The following CTNNA3 variants were observed in gnomAD, a reference collection of about 807,000 sequenced individuals.
CTNNA3 encodes the protein catenin alpha 3, also known as catenin alpha-3.
In CTNNA3, 76 loss-of-function variants were observed where a neutral mutation model predicts 95.7. The observed-to-expected ratio is 0.79, with a 90% CI of 0.66 to 0.96. CTNNA3 has a LOEUF of 0.96. Ranked by LOEUF, CTNNA3 falls within the 40% of genes least tolerant of loss-of-function variation. The probability of loss-of-function intolerance (pLI) is 0.00; values close to 1 mark genes in which losing one functional copy is unlikely to be tolerated. For synonymous variants in CTNNA3, 431 were observed against 374.4 expected (o/e 1.15, Z -1.74); for missense variants, 1,191 against 1,089.8 (o/e 1.09, Z -1.31).
chr10:66,812,641 G>C (rs1841926987), intron 7 of CTNNA3, among the ~76,000 whole-genome samples: 1 of 152,028 alleles, frequency 6.6e-6, no homozygotes, highest in Non-Finnish European at 1.5e-5. Flanking sequence ...TACATAAAAA[G>C]TGCTTAGAAT....
intron 10 of CTNNA3, among the ~76,000 whole-genome samples, chr10:66,608,661 A>G (rs1210628666): frequency 6.6e-6 from 1 of 152,132 alleles, no homozygotes; most frequent in Non-Finnish European, 1.5e-5. Flanking sequence ...ATCTTCAAAA[A>G]AAAACTGACA....
At chr10:67,759,677 T>C (rs1841452788) in intron 1 of CTNNA3, among the ~76,000 whole-genome samples, 1 of 152,226 alleles carries the variant, frequency 6.6e-6, no homozygotes, top group Admixed American at 6.5e-5. Context: ...AACTGCATTC[T>C]ATTATATAAA....
intron 7 of CTNNA3, among the ~76,000 whole-genome samples, chr10:67,144,897 G>A (rs79757872): frequency 0.054 from 8,146 of 152,188 alleles, 325 homozygotes; most frequent in Middle Eastern, 0.095. Context: ...TTTGGCCTGC[G>A]TAAGCTTTCA....
chr10:67,378,288 A>T (rs1441892264), intron 5 of CTNNA3, among the ~76,000 whole-genome samples: 2 of 152,184 alleles, frequency 1.3e-5, no homozygotes, highest in Non-Finnish European at 2.9e-5. Context: ...CTTACAAAAG[A>T]GTTGTCATAA....
intron 15 of CTNNA3, among the ~76,000 whole-genome samples, chr10:65,991,855 G>A (rs550482861): frequency 1.3e-5 from 2 of 152,120 alleles, no homozygotes; most frequent in East Asian, 3.9e-4. Flanking sequence ...TTTCAGCTTT[G>A]TTCCAATCAG....
rs917281763 is a variant in CTNNA3 at position 66,413,084 on chromosome 10, C to T, written c.1532-33732G>A. On this transcript the variant is annotated intron_variant, in intron 11 of 17. Coordinates refer to ENST00000433211, the MANE Select transcript of CTNNA3 (RefSeq NM_013266.4). ...GGTCACAAGTCTTTGAAACAGGATACAACTTATGAGTACTCTATCTTGTAA... is the reference window on the plus strand; with the variant it reads ...GGTCACAAGTCTTTGAAACAGGATATAACTTATGAGTACTCTATCTTGTAA... Among the ~76,000 whole-genome samples, 11 of 152,030 alleles carry T rather than the reference C, an allele frequency of 7.2e-5. 1 individual carries two copies. Among genetic ancestry groups the T allele is most frequent in the Admixed American group, 7.2e-4 (11 of 15,250 alleles).
At chr10:66,020,078 A>G (rs2079173036) in intron 15 of CTNNA3, among the ~76,000 whole-genome samples, 1 of 152,222 alleles carries the variant, frequency 6.6e-6, no homozygotes, top group African/African-American at 2.4e-5. Context: ...CAAAATACTC[A>G]TCATCAAAAA....
At chr10:66,310,183 AT>A (rs891880732) in intron 12 of CTNNA3, among the ~76,000 whole-genome samples, 1 of 151,848 alleles carries the variant, frequency 6.6e-6, no homozygotes, top group East Asian at 1.9e-4. Context: ...TAATTTTTAC[AT>A]TTTTTTCTTG....
At chr10:66,310,669 T>C (rs1439917509) in intron 12 of CTNNA3, among the ~76,000 whole-genome samples, 5 of 151,022 alleles carry the variant, frequency 3.3e-5, no homozygotes, top group Non-Finnish European at 7.4e-5. Context: ...TGAGCAATAA[T>C]ATTTGTTTAT....
At chr10:67,632,615 C>T (rs1409900975) in intron 2 of CTNNA3, among the ~76,000 whole-genome samples, 2 of 152,136 alleles carry the variant, frequency 1.3e-5, no homozygotes, top group Non-Finnish European at 2.9e-5. Flanking sequence ...CCAAGTAAAG[C>T]AGTAAGTGAT....
chr10:66,461,741 C>A (rs2093530847), intron 11 of CTNNA3, among the ~76,000 whole-genome samples: 1 of 149,958 alleles, frequency 6.7e-6, no homozygotes, highest in Non-Finnish European at 1.5e-5. Flanking sequence ...AAAAGTACTG[C>A]AAATATTTCC....
At chr10:66,922,691 A>G (rs1846853634) in intron 7 of CTNNA3, among the ~76,000 whole-genome samples, 1 of 152,160 alleles carries the variant, frequency 6.6e-6, no homozygotes, top group Non-Finnish European at 1.5e-5. Context: ...GATGGTCAGT[A>G]TTTTTTTCCT....
rs541127402 is a variant in CTNNA3, at chr10:66,721,278, G to A, written c.1281+44986C>T. 4.3e-4 allele frequency among the ~76,000 whole-genome samples: 66 copies of A among 152,200 alleles called. 2 individuals are homozygous for A. Among genetic ancestry groups the A allele is most frequent in the African/African-American group, 1.5e-3 (62 of 41,536 alleles). On this transcript the variant is annotated intron_variant, in intron 9 of 17. Coordinates refer to ENST00000433211, the MANE Select transcript of CTNNA3 (RefSeq NM_013266.4). ...TTTACAAAAACATGATAAACCTCTC[G>A]AGCAAAGCTTTTCAAGCTGTGCACC... is the stretch of plus-strand genomic sequence containing the variant.
intron 7 of CTNNA3, among the ~76,000 whole-genome samples, chr10:67,104,211 G>A (rs1362571957): frequency 1.3e-5 from 2 of 151,768 alleles, no homozygotes; most frequent in Non-Finnish European, 2.9e-5. Flanking sequence ...ATGACAAGGT[G>A]GAGAAAAACA....
intron 7 of CTNNA3, among the ~76,000 whole-genome samples, chr10:66,856,717 G>A (rs988109353): frequency 6.6e-6 from 1 of 152,128 alleles, no homozygotes; most frequent in Non-Finnish European, 1.5e-5. Flanking sequence ...CTTTTGAAAA[G>A]TGTCTGTTCA....
intron 17 of CTNNA3, among the ~76,000 whole-genome samples, chr10:65,953,874 G>A (rs1320539694): frequency 1.3e-5 from 2 of 152,182 alleles, no homozygotes; most frequent in African/African-American, 4.8e-5. Context: ...ATAGCAGCAT[G>A]ATTTATACTC....
chr10:67,609,110 A>AC, intron 2 of CTNNA3, among the ~76,000 whole-genome samples: 1 of 151,112 alleles, frequency 6.6e-6, no homozygotes, highest in South Asian at 2.1e-4. Flanking sequence ...AAAAAAAAAA[A>AC]CAACCCATTT....
intron 10 of CTNNA3, among the ~76,000 whole-genome samples, chr10:66,610,497 C>T (rs1223640103): frequency 6.6e-6 from 1 of 151,972 alleles, no homozygotes; most frequent in Admixed American, 6.6e-5. Flanking sequence ...TCCCAAAGAC[C>T]TGAATAAACA....
At chr10:66,289,528 A>G (rs1488030447) in intron 12 of CTNNA3, among the ~76,000 whole-genome samples, 5 of 151,804 alleles carry the variant, frequency 3.3e-5, no homozygotes, top group Non-Finnish European at 7.4e-5. Context: ...ATCTGAATAG[A>G]AATTGATTGT....
Sources: gnomAD v4.1 joint callset for allele counts (sites outside exome capture counted in the v4.1 genomes callset) on GRCh38, gnomAD v4.1.1 for gene constraint, MANE v1.5 for transcripts, NCBI Gene and HGNC (gene_info 2026-07-23, HGNC 2026-07-21) for gene names.